The following EXOC6 variants were observed in gnomAD, a reference collection of about 807,000 sequenced individuals.
EXOC6 encodes the protein exocyst complex component 6.
A neutral mutation model predicts 112.5 loss-of-function variants in EXOC6; 60 were observed. That is an observed-to-expected ratio of 0.53 (90% CI 0.43 to 0.66). EXOC6 has a LOEUF of 0.66. EXOC6 is among the 30% of genes least tolerant of loss of function. The pLI is 0.00. For missense variants in EXOC6, 855 were observed against 957.1 expected (o/e 0.89, Z 1.41); for synonymous variants, 295 against 308.0 (o/e 0.96, Z 0.44).
intron 1 of EXOC6, among the ~76,000 whole-genome samples, chr10:92,849,322 T>A (rs1487993476): frequency 2.0e-5 from 3 of 152,194 alleles, no homozygotes; most frequent in Admixed American, 2.0e-4. Context: ...CTTTTACTTA[T>A]TTACAAACAT....
At chr10:92,832,371 G>A (rs1331137987), upstream of EXOC6, among the ~76,000 whole-genome samples, 2 of 152,098 alleles carry the variant, frequency 1.3e-5, no homozygotes, top group Non-Finnish European at 2.9e-5. Context: ...TCCGCCTCCC[G>A]GGTTCAAGCG....
chr10:92,991,308 C>T (rs1484846283), intron 18 of EXOC6, among the ~76,000 whole-genome samples: 5 of 151,708 alleles, frequency 3.3e-5, no homozygotes, highest in Admixed American at 6.6e-5. Context: ...TGGTCCCTCA[C>T]GCCTGTAGTC....
chr10:92,929,486 A>G (rs550741214), intron 9 of EXOC6, among the ~76,000 whole-genome samples: 1 of 152,334 alleles, frequency 6.6e-6, no homozygotes, highest in South Asian at 2.1e-4. Flanking sequence ...AATAATTACC[A>G]AACGAGTGAG....
intron 17 of EXOC6, among the ~76,000 whole-genome samples, chr10:92,965,484 T>G (rs1842008088): frequency 6.6e-6 from 1 of 152,182 alleles, no homozygotes; most frequent in Non-Finnish European, 1.5e-5. Flanking sequence ...TATTTAAGAG[T>G]TAGCTGATAT....
chr10:93,028,766 G>A (rs796424927), intron 20 of EXOC6, among the ~76,000 whole-genome samples: 1 of 150,950 alleles, frequency 6.6e-6, no homozygotes, highest in Non-Finnish European at 1.5e-5. Flanking sequence ...CCTGGGAGGC[G>A]GAGGTTGCGG....
chr10:92,834,605 TG>T (rs1846602458), upstream of EXOC6: 1 of 656,438 alleles, frequency 1.5e-6, no homozygotes, highest in Admixed American at 3.1e-5. Flanking sequence ...AGCTTGTTTT[TG>T]TTGCTCCTTT....
intron 6 of EXOC6, among the ~76,000 whole-genome samples, chr10:92,910,528 T>C (rs2133873436): frequency 6.6e-6 from 1 of 152,288 alleles, no homozygotes; most frequent in South Asian, 2.1e-4. Context: ...TATACCATGA[T>C]AAAAATGTAT....
chr10:92,975,908 G>A (rs1842564368), intron 18 of EXOC6, among the ~76,000 whole-genome samples: 1 of 142,750 alleles, frequency 7.0e-6, no homozygotes, highest in Non-Finnish European at 1.6e-5. Flanking sequence ...CGCCCCGTCC[G>A]GGAGGGAGGT....
intron 2 of EXOC6, among the ~76,000 whole-genome samples, chr10:92,893,916 A>C (rs1849626841): frequency 6.6e-6 from 1 of 152,232 alleles, no homozygotes; most frequent in African/African-American, 2.4e-5. Context: ...AATAATGTTA[A>C]AACTTTTTGA....
intron 1 of EXOC6, among the ~76,000 whole-genome samples, chr10:92,887,061 T>G (rs574054212): frequency 9.8e-5 from 15 of 152,294 alleles, no homozygotes; most frequent in African/African-American, 3.6e-4. Flanking sequence ...GAGCACATCT[T>G]CTCTTCATTT....
At chr10:92,945,132 T>C (rs1852909679) in intron 13 of EXOC6, among the ~76,000 whole-genome samples, 1 of 152,192 alleles carries the variant, frequency 6.6e-6, no homozygotes, top group Admixed American at 6.5e-5. Flanking sequence ...GCTTTGCTTA[T>C]TCCTGATCTG....
intron 8 of EXOC6, among the ~76,000 whole-genome samples, chr10:92,926,569 T>C (rs1458166284): frequency 6.6e-6 from 1 of 151,950 alleles, no homozygotes; most frequent in Admixed American, 6.6e-5. Flanking sequence ...GGTCTTACTC[T>C]GTTGCCCCAA....
chr10:92,974,247 T>G lies in EXOC6; in HGVS notation c.1953+15T>G, dbSNP rs1047402266. ...CTCATTTGCCTGTAAGTATAAAAAT[T>G]TTCAAAAATTGTTTTATGTTTGCTT... On this transcript the variant is annotated intron_variant, in intron 18 of 21. Transcript: ENST00000260762. 1 of 1,515,676 alleles carries G rather than the reference T, an allele frequency of 6.6e-7. No individual in the cohort carries two copies. The highest frequency in any genetic ancestry group is 8.8e-7 in the Non-Finnish European group (1 of 1,139,522). 93.9% of individuals were successfully genotyped at this position (1,515,676 alleles called of 1,614,324 possible).
chr10:92,954,880 A>G, intron 16 of EXOC6, 139 bp downstream of exon 16: 1 of 513,712 alleles, frequency 1.9e-6, no homozygotes, highest in South Asian at 3.0e-5. Flanking sequence ...CAAAATAAAA[A>G]CACCAGTGTA....
intron 5 of EXOC6, among the ~76,000 whole-genome samples, chr10:92,902,738 C>G (rs1850245275): frequency 6.6e-6 from 1 of 152,088 alleles, no homozygotes; most frequent in Non-Finnish European, 1.5e-5. Context: ...TTCCATTACC[C>G]CCACAGTTTG....
chr10:92,890,937 C>T (rs1849469428), intron 1 of EXOC6, among the ~76,000 whole-genome samples: 1 of 152,124 alleles, frequency 6.6e-6, no homozygotes, highest in Non-Finnish European at 1.5e-5. Flanking sequence ...CATTAGCTAT[C>T]ATCTGGCTGC....
intron 17 of EXOC6, among the ~76,000 whole-genome samples, chr10:92,972,838 C>A (rs1025480257): frequency 3.3e-5 from 5 of 152,182 alleles, no homozygotes; most frequent in Non-Finnish European, 7.3e-5. Flanking sequence ...TCAAGGTCAG[C>A]CATAAATGAG....
intron 1 of EXOC6, among the ~76,000 whole-genome samples, chr10:92,828,690 CTGTGTGTGTGTGTG>C (rs71028851): frequency 7.3e-4 from 77 of 105,200 alleles, no homozygotes; most frequent in African/African-American, 9.1e-4. Flanking sequence ...TTTTGTGTGT[CTGTGTGTGTGTGTG>C]TGTGTGTGTG....
chr10:92,903,985 A>G (rs1056033913), intron 5 of EXOC6, among the ~76,000 whole-genome samples: 4 of 152,038 alleles, frequency 2.6e-5, no homozygotes, highest in Admixed American at 6.6e-5. Context: ...ACCCGTACCA[A>G]TTACTGAACT....
Sources: allele counts gnomAD v4.1 joint callset (sites outside exome capture counted in the v4.1 genomes callset), GRCh38; gene constraint gnomAD v4.1.1; transcripts MANE v1.5; gene names NCBI Gene and HGNC (gene_info 2026-07-23, HGNC 2026-07-21).